B4GALNT1: variants seen among roughly 807,000 people sequenced by gnomAD.
B4GALNT1 encodes beta-1,4-N-acetyl-galactosaminyltransferase 1, also known as beta-1,4 N-acetylgalactosaminyltransferase 1.
In B4GALNT1, 43 loss-of-function variants were observed where a neutral mutation model predicts 55.2. That is an observed-to-expected ratio of 0.78 (90% CI 0.61 to 1.00). B4GALNT1 has a LOEUF of 1.00. B4GALNT1 is among the 50% of genes least tolerant of loss of function. B4GALNT1 has a pLI of 0.00. For missense variants in B4GALNT1, 664 were observed against 729.7 expected, an observed-to-expected ratio of 0.91 and a Z score of 1.04; for synonymous variants, 305 against 311.6, an observed-to-expected ratio of 0.98 and a Z score of 0.22.
At chr12:57,629,268 A>G in intron 6 of B4GALNT1, 122 bp from the exon 7 acceptor site, 2 of 785,592 alleles carry the variant, frequency 2.5e-6, no homozygotes, top group Non-Finnish European at 3.9e-6. Context: ...ACAAGAACAG[A>G]AGGTTCTTAC....
At chr12:57,629,304 G>A in intron 6 of B4GALNT1, 158 bp from the exon 7 acceptor site, 1 of 556,882 alleles carries the variant, frequency 1.8e-6, no homozygotes, top group Non-Finnish European at 3.0e-6. Flanking sequence ...ATTCTAATGG[G>A]TAGGAGAAAA....
rs544122179 is a variant in B4GALNT1, at chr12:57,624,466, T to C, written c.*2278A>G. ...CCCAGCAGTGATGGCCTGGCTTTTC[T>C]TTTGGGCAATCCACCCCTATCCCTA... On this transcript the variant is annotated 3_prime_UTR_variant, in exon 11 of 11. Coordinates refer to ENST00000341156, the MANE Select transcript of B4GALNT1 (RefSeq NM_001478.5). 17 of 604,418 alleles carry C rather than the reference T, an allele frequency of 2.8e-5. No homozygotes were observed. The highest frequency in any genetic ancestry group is 2.2e-4 in the South Asian group (15 of 68,334). The allele number at this position is 604,418 out of a possible 1,614,324, so 37.4% of individuals were successfully genotyped here.
chr12:57,625,243 G>T lies in B4GALNT1; in HGVS notation c.*1501C>A. On this transcript the variant is annotated 3_prime_UTR_variant, in exon 11 of 11. Coordinates refer to ENST00000341156, the MANE Select transcript of B4GALNT1 (RefSeq NM_001478.5). ...TGTCTTCTCCCATTCTAGTTGCTGA[G>T]CCTGTCAGGGTGGTGGTCCTAGACT... 6.2e-7 allele frequency: 1 copy of T among 1,614,176 alleles called. No homozygotes were observed. The highest frequency in any genetic ancestry group is 1.1e-5 in the South Asian group (1 of 91,086).
At position 57,628,806 on chromosome 12, in the gene B4GALNT1, G is replaced by A; in HGVS notation, c.909C>T (p.Tyr303=). Residue 303 remains tyrosine (Y), a synonymous_variant, in exon 8 of 11, where the codon TAC becomes TAT. Coordinates refer to ENST00000341156, the MANE Select transcript of B4GALNT1 (RefSeq NM_001478.5). The part of the protein sequence containing the change: ...RALITSIRRF[Y]PTVTVVIADD... ...CAGCGATGACCACGGTAACCGTTGG[G>A]TAGAAGCGGCGGATACTGGTGATGA... The A allele has an allele frequency of 6.2e-7, 1 of 1,614,248 alleles. No homozygotes were observed.
chr12:57,625,520 C>T lies in B4GALNT1; in HGVS notation c.*1224G>A, dbSNP rs374566611. On this transcript the variant is annotated 3_prime_UTR_variant, in exon 11 of 11. Coordinates refer to ENST00000341156, the MANE Select transcript of B4GALNT1 (RefSeq NM_001478.5). ...TGCCTGGGCAATGACTGGACACCTG[C>T]GGTAGGGAAAAGGACCCGGTGTGGA... The T allele has an allele frequency of 7.1e-5, 115 of 1,613,580 alleles. No individual in the cohort carries two copies. The African/African-American group carries it at 1.1e-3, about 15-fold the overall frequency.
rs779434662 is a variant in B4GALNT1 at position 57,626,866 on chromosome 12, T to C, written c.1480A>G (p.Arg494Gly). The C allele has an allele frequency of 1.9e-6, 3 of 1,614,072 alleles. No homozygotes were observed. Among genetic ancestry groups the C allele is most frequent in the East Asian group, 2.2e-5 (1 of 44,890 alleles). Residue 494 changes from arginine to glycine, a missense_variant, in exon 11 of 11, where the codon AGG becomes GGG. Physicochemically the swap from Arg to Gly is moderately radical, Grantham distance 125 (BLOSUM62 -2). Transcript: ENST00000341156. ...ASKLKLPWTS[R>G]DAGAETYARY... ...GCGTAAGTCTCTGCTCCGGCATCCCTTGATGTCCAAGGCAGCTTCAGTTTG... is the reference window on the plus strand; with the variant it reads ...GCGTAAGTCTCTGCTCCGGCATCCCCTGATGTCCAAGGCAGCTTCAGTTTG...
rs1884658195 is a variant in B4GALNT1 at position 57,624,354 on chromosome 12, T to G, written c.*2390A>C. ...TGTGTGTCCCATTGAATCAACCCTG[T>G]TGTTTCCTTCTGTCATGCTTTCCAC... On this transcript the variant is annotated 3_prime_UTR_variant, in exon 11 of 11. Coordinates refer to ENST00000341156, the MANE Select transcript of B4GALNT1 (RefSeq NM_001478.5). 9.5e-6 allele frequency: 6 copies of G among 630,026 alleles called. No individual in the cohort carries two copies. Among genetic ancestry groups the G allele is most frequent in the Non-Finnish European group, 1.8e-5 (6 of 338,658 alleles). 39.0% of individuals were successfully genotyped at this position (630,026 alleles called of 1,614,324 possible).
In B4GALNT1 at chr12:57,625,890, A is replaced by AGTTCTTCAGTTCCTC; in HGVS notation, c.*853_*854insGAGGAACTGAAGAAC. 1 of 927,236 alleles carries AGTTCTTCAGTTCCTC rather than the reference A, an allele frequency of 1.1e-6. No homozygotes were observed. Among genetic ancestry groups the AGTTCTTCAGTTCCTC allele is most frequent in the Non-Finnish European group, 1.5e-6 (1 of 673,350 alleles). 57.4% of individuals were successfully genotyped at this position (927,236 alleles called of 1,614,324 possible). Reference sequence around the variant, plus strand: ...GGGCTGAGCTATGGGTGAGGAACTGAAGAACTCAGATCCCTAAGTAGGTGG... The same window carrying AGTTCTTCAGTTCCTC: ...GGGCTGAGCTATGGGTGAGGAACTGAGTTCTTCAGTTCCTCAGAACTCAGATCCCTAAGTAGGTGG... On this transcript the variant is annotated 3_prime_UTR_variant, in exon 11 of 11. Transcript: ENST00000341156.
rs1594988962 is a variant in B4GALNT1 at position 57,632,109 on chromosome 12, C to G, written c.24G>C (p.Leu8=). The G allele has an allele frequency of 6.7e-7, 1 of 1,491,470 alleles. No homozygotes were observed. The highest frequency in any genetic ancestry group is 8.9e-7 in the Non-Finnish European group (1 of 1,119,684). The allele number at this position is 1,491,470 out of a possible 1,614,324, so 92.4% of individuals were successfully genotyped here. The change falls in exon 2 of 11, where the codon CTG becomes CTC. Residue 8 remains leucine, a synonymous_variant. Transcript: ENST00000341156. MWLGRRA[L]CALVLLLACA... ...AGGCGAGCAGAAGGACCAGAGCGCA[C>G]AGGGCCCGGCGGCCCAGCCACATCC...
At position 57,623,861 on chromosome 12, in the gene B4GALNT1, T is replaced by C. The variant is rs561569782; in HGVS notation, c.*2883A>G. The C allele has an allele frequency of 3.6e-5, 58 of 1,614,152 alleles. No homozygotes were observed. The highest frequency in any genetic ancestry group is 4.7e-5 in the Non-Finnish European group (56 of 1,180,026). On this transcript the variant is annotated 3_prime_UTR_variant, in exon 11 of 11. Transcript: ENST00000341156. Reference sequence around the variant, plus strand: ...CTGGCAGGCCTCTTCTCCTGCACAGTGGTCCTGTCGGTGCTGCTGTGGCTG... The same window carrying C: ...CTGGCAGGCCTCTTCTCCTGCACAGCGGTCCTGTCGGTGCTGCTGTGGCTG...
rs1565733930 is a variant in B4GALNT1, at chr12:57,624,558, C to A, written c.*2186G>T. 1 of 645,524 alleles carries A rather than the reference C, an allele frequency of 1.5e-6. No individual in the cohort carries two copies. Among genetic ancestry groups the A allele is most frequent in the East Asian group, 3.5e-5 (1 of 28,624 alleles). 40.0% of individuals were successfully genotyped at this position (645,524 alleles called of 1,614,324 possible). A position where few individuals can be genotyped will look rare whatever the true frequency, so the allele number is the denominator to read the frequency against. On this transcript the variant is annotated 3_prime_UTR_variant, in exon 11 of 11. Coordinates refer to ENST00000341156, the MANE Select transcript of B4GALNT1 (RefSeq NM_001478.5). ...ACCCTGAGTGTGGATTTGGGCCTGG[C>A]TGTGGGTGTGGTCTTCTCCATGATG...
At chr12:57,630,117 C>T in intron 6 of B4GALNT1, 35 bp downstream of exon 6, 1 of 1,614,170 alleles carries the variant, frequency 6.2e-7, no homozygotes, top group Non-Finnish European at 8.5e-7. Flanking sequence ...TCTCTGTTTG[C>T]CCAGCCTGCC....
Position 57,624,768 on chromosome 12 carries a change from A to T in B4GALNT1, c.*1976T>A. On this transcript the variant is annotated 3_prime_UTR_variant, in exon 11 of 11. Coordinates refer to ENST00000341156, the MANE Select transcript of B4GALNT1 (RefSeq NM_001478.5). The stretch of plus-strand genomic sequence containing the variant: ...GGACAGGCTGAGGGGACAGAGCTCT[A>T]CAGACCACTCAGAGGAAGCCCCAGG... 1 of 1,102,740 alleles carries T rather than the reference A, an allele frequency of 9.1e-7. No homozygotes were observed. The highest frequency in any genetic ancestry group is 1.4e-6 in the Non-Finnish European group (1 of 713,794). The allele number at this position is 1,102,740 out of a possible 1,614,324, so 68.3% of individuals were successfully genotyped here. A position where few individuals can be genotyped will look rare whatever the true frequency, so the allele number is the denominator to read the frequency against.
At chr12:57,627,898 T>C in intron 9 of B4GALNT1, 40 bp from the exon 10 acceptor site, 2 of 1,529,540 alleles carry the variant, frequency 1.3e-6, no homozygotes, top group Non-Finnish European at 1.8e-6. Flanking sequence ...GGGCCTGGGA[T>C]AGGGGACCCG....
In B4GALNT1 at chr12:57,628,910, T is replaced by C. The variant is rs78105569; in HGVS notation, c.812-7A>G. ...GCGCTGATGTTGTACTGGGCTGAGA[T>C]TGGGGGCACAGGGTTGGGTGCAGAC... On this transcript the variant is annotated splice_polypyrimidine_tract_variant and splice_region_variant and intron_variant, in intron 7 of 10. Transcript: ENST00000341156. 3.0e-5 allele frequency: 48 copies of C among 1,613,846 alleles called. No homozygotes were observed. The highest frequency in any genetic ancestry group is 1.6e-4 in the Middle Eastern group (1 of 6,082).
In B4GALNT1 at chr12:57,626,857, C is replaced by A; in HGVS notation, c.1489G>T (p.Gly497Ter). The change falls in exon 11 of 11, where the codon GGA (glycine) becomes TGA (stop). Residue 497 changes from glycine (G) to a stop codon, truncating the protein, a stop_gained. Coordinates refer to ENST00000341156, the MANE Select transcript of B4GALNT1 (RefSeq NM_001478.5). LOFTEE classifies it high-confidence loss of function. Reference sequence around the variant, plus strand: ...CGGTACCGGGCGTAAGTCTCTGCTCCGGCATCCCTTGATGTCCAAGGCAGC... The same window carrying A: ...CGGTACCGGGCGTAAGTCTCTGCTCAGGCATCCCTTGATGTCCAAGGCAGC... ...LKLPWTSRDA[G>*]AETYARYRYP... 1 of 1,614,172 alleles carries A rather than the reference C, an allele frequency of 6.2e-7. No homozygotes were observed. The highest frequency in any genetic ancestry group is 1.6e-4 in the Middle Eastern group (1 of 6,062).
Position 57,632,325 on chromosome 12 carries a change from G to A in B4GALNT1, c.-1-192C>T, listed in dbSNP as rs1253716253. On this transcript the variant is annotated intron_variant, in intron 1 of 10. Coordinates refer to ENST00000341156, the MANE Select transcript of B4GALNT1 (RefSeq NM_001478.5). ...CCCTCCCCTCACTTCCCAGGCCCCA[G>A]GGTCTCCCGGCCTCCTTTCTTCTCG... 28 of 703,438 alleles carry A rather than the reference G, an allele frequency of 4.0e-5. No individual in the cohort carries two copies. The East Asian group carries it at 7.3e-4, about 18-fold the overall frequency. The allele number at this position is 703,438 out of a possible 1,614,324, so 43.6% of individuals were successfully genotyped here. A position where few individuals can be genotyped will look rare whatever the true frequency, so the allele number is the denominator to read the frequency against.
chr12:57,630,558 G>A (rs1320726426), intron 4 of B4GALNT1, 40 bp from the exon 5 acceptor site: 2 of 1,561,768 alleles, frequency 1.3e-6, no homozygotes, highest in East Asian at 4.5e-5. Flanking sequence ...CACATAGGCA[G>A]CCCTGAATTC....
rs1192122570 is a variant in B4GALNT1, at chr12:57,624,815, A to G, written c.*1929T>C. The G allele has an allele frequency of 6.4e-7, 1 of 1,565,996 alleles. No individual in the cohort carries two copies. The highest frequency in any genetic ancestry group is 8.8e-7 in the Non-Finnish European group (1 of 1,136,252). ...CAGGGTGGGTGGGCTGCAGCCAAAG[A>G]AGGAAGGGAAGATTAGCCCCAGACA... is the stretch of plus-strand genomic sequence containing the variant. On this transcript the variant is annotated 3_prime_UTR_variant, in exon 11 of 11. Coordinates refer to ENST00000341156, the MANE Select transcript of B4GALNT1 (RefSeq NM_001478.5).
Sources: gnomAD v4.1 joint callset for allele counts on GRCh38, gnomAD v4.1.1 for gene constraint, MANE v1.5 for transcripts, NCBI Gene and HGNC (gene_info 2026-07-23, HGNC 2026-07-21) for gene names.